The following CROT variants were observed in gnomAD, a reference collection of about 807,000 sequenced individuals.
The protein encoded by CROT is carnitine O-octanoyltransferase.
A neutral mutation model predicts 89.2 loss-of-function variants in CROT; 84 were observed. That is an observed-to-expected ratio of 0.94 (90% CI 0.79 to 1.13). The LOEUF is 1.13. Among genes scored for constraint, CROT ranks in the 50% most tolerant of loss-of-function variants. CROT has a pLI of 0.00. For synonymous variants in CROT, 212 were observed against 239.5 expected, an observed-to-expected ratio of 0.89 and a Z score of 1.06; for missense variants, 711 against 727.8, an observed-to-expected ratio of 0.98 and a Z score of 0.27.
rs559574850 is a variant in CROT at position 87,361,300 on chromosome 7, A to C, written c.241-90A>C. On this transcript the variant is annotated intron_variant, in intron 4 of 17. Coordinates refer to ENST00000331536, the MANE Select transcript of CROT (RefSeq NM_021151.4). ...TTTAAATGTTGAAGAATAATTAAAG[A>C]ACAAATATAGCTTGCTTTTTAAAAT... 1.9e-4 allele frequency: 237 copies of C among 1,269,966 alleles called. 1 individual carries two copies. In the East Asian group the frequency reaches 5.2e-3, roughly 28 times the overall value. The allele number at this position is 1,269,966 out of a possible 1,614,324, so 78.7% of individuals were successfully genotyped here. A position where few individuals can be genotyped will look rare whatever the true frequency, so the allele number is the denominator to read the frequency against.
intron 2 of CROT, among the ~76,000 whole-genome samples, chr7:87,348,279 C>T (rs1805756179): frequency 6.6e-6 from 1 of 151,812 alleles, no homozygotes; most frequent in African/African-American, 2.4e-5. Flanking sequence ...CATTTGTATA[C>T]CTTATTCACA....
At chr7:87,371,335 G>A (rs1047707307) in intron 7 of CROT, among the ~76,000 whole-genome samples, 1 of 152,162 alleles carries the variant, frequency 6.6e-6, no homozygotes, top group Non-Finnish European at 1.5e-5. Context: ...AACAATAAAT[G>A]TAATCTTTCC....
At chr7:87,374,412 A>G (rs1806740130) in intron 7 of CROT, among the ~76,000 whole-genome samples, 1 of 152,084 alleles carries the variant, frequency 6.6e-6, no homozygotes, top group Non-Finnish European at 1.5e-5. Flanking sequence ...GAGGAAGTAA[A>G]AGTTTCATAG....
intron 14 of CROT, among the ~76,000 whole-genome samples, chr7:87,392,240 T>A (rs1410442404): frequency 1.3e-5 from 2 of 152,242 alleles, no homozygotes; most frequent in African/African-American, 4.8e-5. Context: ...ATCTTAATTT[T>A]ATAGAACTGC....
intron 4 of CROT, among the ~76,000 whole-genome samples, chr7:87,360,608 TG>T (rs756320308): frequency 1.1e-4 from 16 of 152,364 alleles, no homozygotes; most frequent in Admixed American, 2.0e-4. Flanking sequence ...CCCAAAGTGC[TG>T]GGATTACAGG....
At chr7:87,392,892 G>C in intron 16 of CROT, 56 bp from the exon 17 acceptor site, 1 of 1,610,952 alleles carries the variant, frequency 6.2e-7, no homozygotes, top group Admixed American at 1.7e-5. Context: ...ATGGTTTTTA[G>C]AAACAATATA....
At chr7:87,356,886 G>T (rs975461830) in intron 3 of CROT, among the ~76,000 whole-genome samples, 1 of 152,192 alleles carries the variant, frequency 6.6e-6, no homozygotes, top group South Asian at 2.1e-4. Flanking sequence ...GCTGGGCGTG[G>T]TGGTGGGCAC....
chr7:87,398,293 T>C (rs1248060825), intron 17 of CROT: 1 of 660,808 alleles, frequency 1.5e-6, no homozygotes, highest in East Asian at 3.0e-5. Flanking sequence ...GGGCTCTAGC[T>C]AATTTGTTCC....
chr7:87,382,181 G>T lies in CROT; in HGVS notation c.1170G>T (p.Glu390Asp), dbSNP rs755719625. 6.3e-7 allele frequency: 1 copy of T among 1,593,556 alleles called. No homozygotes were observed. Among genetic ancestry groups the T allele is most frequent in the South Asian group, 1.1e-5 (1 of 87,600 alleles). ...INQAKAQYLR[E>D]ASDLQIAAYA... ...AAGCTAAAGCCCAGTATCTCAGGGA[G>T]GTATATTTTTCACTTTTCTCTTAAA... Residue 390 changes from glutamate to aspartate, a missense_variant and splice_region_variant, in exon 12 of 18, where the codon GAG (glutamate) becomes GAT (aspartate). Coordinates refer to ENST00000331536, the MANE Select transcript of CROT (RefSeq NM_021151.4).
chr7:87,373,392 G>A (rs1319708986), intron 7 of CROT, among the ~76,000 whole-genome samples: 1 of 151,728 alleles, frequency 6.6e-6, no homozygotes. Flanking sequence ...TTTCTTGATG[G>A]CCTCTTTTGA....
intron 14 of CROT, 55 bp from the exon 15 acceptor site, chr7:87,392,511 T>C (rs1807395252): frequency 7.2e-7 from 1 of 1,389,830 alleles, no homozygotes; most frequent in Non-Finnish European, 1.0e-6. Context: ...AGGATTTTTT[T>C]CTAGTTGGGT....
At chr7:87,391,354 G>A (rs112458230) in intron 13 of CROT, among the ~76,000 whole-genome samples, 11 of 152,178 alleles carry the variant, frequency 7.2e-5, no homozygotes, top group Admixed American at 1.3e-4. Context: ...GGCCATCTTA[G>A]AGGCTGTAAT....
chr7:87,382,522 C>T lies in CROT; in HGVS notation c.1280C>T (p.Ala427Val). The change falls in exon 13 of 18, where the codon GCC (alanine) becomes GTC (valine). Residue 427 changes from alanine (A) to valine (V), a missense_variant. Coordinates refer to ENST00000331536, the MANE Select transcript of CROT (RefSeq NM_021151.4). ...TTTATTCAGCTTGCACTTCAGCTGG[C>T]CTATTACAGACTTCATGGACAGTAA... is the stretch of plus-strand genomic sequence containing the variant. ...DTFIQLALQLAYYRLHGHPGC... is the reference protein window; with the variant it reads ...DTFIQLALQLVYYRLHGHPGC... The T allele has an allele frequency of 1.9e-6, 3 of 1,613,788 alleles. No homozygotes were observed. The highest frequency in any genetic ancestry group is 2.5e-6 in the Non-Finnish European group (3 of 1,179,784).
At chr7:87,345,869 G>A (rs1055469225) in intron 1 of CROT, 102 bp downstream of exon 1, 1 of 163,130 alleles carries the variant, frequency 6.1e-6, no homozygotes, top group Non-Finnish European at 1.3e-5. Context: ...TTTGGTGGGG[G>A]AGTAGTGTCA....
Position 87,399,562 on chromosome 7 carries a change from A to G in CROT, c.*918A>G, listed in dbSNP as rs1807689224. ...GAGATGTATACCCTCTATTACACACATAAAACCGTAACAAAATTCATTGTG... is the reference window on the plus strand; with the variant it reads ...GAGATGTATACCCTCTATTACACACGTAAAACCGTAACAAAATTCATTGTG... On this transcript the variant is annotated 3_prime_UTR_variant, in exon 18 of 18. Transcript: ENST00000331536. 6.6e-6 allele frequency: 1 copy of G among 152,230 alleles called. No homozygotes were observed. The highest frequency in any genetic ancestry group is 1.5e-5 in the Non-Finnish European group (1 of 68,028). The allele number at this position is 152,230 out of a possible 1,614,324, so 9.4% of individuals were successfully genotyped here.
rs1384382030 is a variant in CROT at position 87,375,940 on chromosome 7, A to G, written c.863A>G (p.Glu288Gly). 1 of 1,602,176 alleles carries G rather than the reference A, an allele frequency of 6.2e-7. No homozygotes were observed. The highest frequency in any genetic ancestry group is 8.5e-7 in the Non-Finnish European group (1 of 1,175,970). Residue 288 changes from glutamate to glycine, a missense_variant, in exon 9 of 18, where the codon GAG becomes GGG. Coordinates refer to ENST00000331536, the MANE Select transcript of CROT (RefSeq NM_021151.4). ...GATAGCAGTCCACATGTAACACCAG[A>G]GGATTATTCTGAGGTACTTAACTAC... ...MEDSSPHVTP[E>G]DYSEIIAAIL...
At chr7:87,392,924 A>G in intron 16 of CROT, 24 bp from the exon 17 acceptor site, 1 of 1,612,838 alleles carries the variant, frequency 6.2e-7, no homozygotes, top group East Asian at 2.2e-5. Context: ...GCCTAGTAAA[A>G]TGTTCTTTTA....
intron 13 of CROT, among the ~76,000 whole-genome samples, chr7:87,382,817 G>A (rs31631): frequency 0.012 from 1,848 of 152,198 alleles, 35 homozygotes; most frequent in African/African-American, 0.031. Context: ...CATTCAGATC[G>A]CTTGGTTTTC....
intron 17 of CROT, 70 bp downstream of exon 17, chr7:87,393,137 C>A: frequency 6.8e-7 from 1 of 1,465,834 alleles, no homozygotes; most frequent in Non-Finnish European, 9.3e-7. Context: ...TTTTAAATGC[C>A]TTTCCTACAC....
Sources: allele counts gnomAD v4.1 joint callset (sites outside exome capture counted in the v4.1 genomes callset), GRCh38; gene constraint gnomAD v4.1.1; transcripts MANE v1.5; gene names NCBI Gene and HGNC (gene_info 2026-07-23, HGNC 2026-07-21).